Variants in CAMTA1 observed in about 807,000 individuals in gnomAD.
CAMTA1 encodes calmodulin binding transcription activator 1, also known as calmodulin-binding transcription activator 1.
A neutral mutation model predicts 170.9 loss-of-function variants in CAMTA1; 27 were observed. The observed-to-expected ratio is 0.16, with a 90% CI of 0.12 to 0.22. The LOEUF is 0.22. Among genes scored for constraint, CAMTA1 ranks in the 10% least tolerant of loss-of-function variants. The pLI is 1.00. For missense variants in CAMTA1, 1,619 were observed against 2,217.2 expected (o/e 0.73, Z 5.42); for synonymous variants, 833 against 891.5 (o/e 0.93, Z 1.17).
intron 6 of CAMTA1, among the ~76,000 whole-genome samples, chr1:7,530,003 C>T (rs2094472918): frequency 6.6e-6 from 1 of 152,224 alleles, no homozygotes; most frequent in South Asian, 2.1e-4. Flanking sequence ...CTGCCACCGA[C>T]CAGGAGCTGA....
At chr1:7,711,705 G>T (rs115614095) in intron 11 of CAMTA1, among the ~76,000 whole-genome samples, 7 of 152,312 alleles carry the variant, frequency 4.6e-5, no homozygotes, top group East Asian at 3.9e-4. Flanking sequence ...AATCACCAAA[G>T]AATTTATTTA....
chr1:7,445,422 TG>T (rs1410752515), intron 5 of CAMTA1, among the ~76,000 whole-genome samples: 1 of 151,852 alleles, frequency 6.6e-6, no homozygotes, highest in African/African-American at 2.4e-5. Flanking sequence ...TCTGAAGGGC[TG>T]GTCAGCCGGG....
At chr1:6,952,410 G>T (rs1378080667) in intron 3 of CAMTA1, among the ~76,000 whole-genome samples, 1 of 136,444 alleles carries the variant, frequency 7.3e-6, no homozygotes, top group Non-Finnish European at 1.5e-5. Flanking sequence ...CAGCCTGGGG[G>T]ACAGAGCGAG....
In CAMTA1 at chr1:7,426,580, G is replaced by C. The variant is rs536134746; in HGVS notation, c.439-41250G>C. 6.6e-6 allele frequency among the ~76,000 whole-genome samples: 1 copy of C among 152,140 alleles called. No individual in the cohort carries two copies. On this transcript the variant is annotated intron_variant, in intron 5 of 22. Transcript: ENST00000303635. The surrounding 1 kb of genome is among the most constrained non-coding windows in gnomAD (Gnocchi z 4.8). ...AAAGATTAACTTTAGTGAAAGCTTC[G>C]AGGTTTGGCAAATCCATAATTAATC... is the stretch of plus-strand genomic sequence containing the variant.
At chr1:6,897,403 C>T (rs114280028) in intron 3 of CAMTA1, among the ~76,000 whole-genome samples, 2,293 of 148,658 alleles carry the variant, frequency 0.015, 58 homozygotes, top group African/African-American at 0.053. Context: ...GTTGGAAGTC[C>T]ATGTCAGTCA....
chr1:6,824,821 G>A (rs1389608261), intron 2 of CAMTA1, among the ~76,000 whole-genome samples: 1 of 151,950 alleles, frequency 6.6e-6, no homozygotes, highest in African/African-American at 2.4e-5. Flanking sequence ...AATAACTTTC[G>A]GTTATGGGCA....
intron 9 of CAMTA1, 133 bp from the exon 10 acceptor site, chr1:7,670,778 G>A (rs779938692): frequency 2.6e-4 from 259 of 978,204 alleles, no homozygotes; most frequent in Non-Finnish European, 3.8e-4. Flanking sequence ...TCCCTGGAGT[G>A]AGGGCCTGGG....
At chr1:6,949,611 A>G (rs190615237) in intron 3 of CAMTA1, among the ~76,000 whole-genome samples, 56 of 152,328 alleles carry the variant, frequency 3.7e-4, no homozygotes, top group Admixed American at 7.8e-4. Flanking sequence ...CCTCCTGAAG[A>G]CCTGGATTGG....
At chr1:7,655,105 T>TACACACACACCC (rs1558063970) in intron 7 of CAMTA1, among the ~76,000 whole-genome samples, 3 of 16,150 alleles carry the variant, frequency 1.9e-4, no homozygotes, top group Non-Finnish European at 7.2e-4. Flanking sequence ...CACACACCTA[T>TACACACACACCC]ACACACACCT....
Position 7,305,138 on chromosome 1 carries a change from G to A in CAMTA1, c.438+55512G>A, listed in dbSNP as rs111750795. ...CTTTTTTTCTTGCTGGTAGGCATGT[G>A]CCTTCTCTGTTATATACTAAATTCT... On this transcript the variant is annotated intron_variant, in intron 5 of 22. Coordinates refer to ENST00000303635, the MANE Select transcript of CAMTA1 (RefSeq NM_015215.4). Among the ~76,000 whole-genome samples the A allele has an allele frequency of 5.3e-5, 8 of 151,892 alleles. 1 individual carries two copies. Among genetic ancestry groups the A allele is most frequent in the African/African-American group, 1.9e-4 (8 of 41,424 alleles).
intron 6 of CAMTA1, among the ~76,000 whole-genome samples, chr1:7,615,772 G>A (rs1030326055): frequency 6.6e-6 from 1 of 152,166 alleles, no homozygotes; most frequent in Non-Finnish European, 1.5e-5. Flanking sequence ...CCTGCAAGAC[G>A]GATGGCTGGC....
intron 5 of CAMTA1, among the ~76,000 whole-genome samples, chr1:7,319,515 T>C (rs149050502): frequency 1.8e-4 from 28 of 152,324 alleles, no homozygotes; most frequent in Non-Finnish European, 3.7e-4. Context: ...GATGCTGCCA[T>C]GCTTCCTGTA....
chr1:6,797,373 T>A (rs1642778022), intron 1 of CAMTA1, among the ~76,000 whole-genome samples: 2 of 151,460 alleles, frequency 1.3e-5, no homozygotes, highest in African/African-American at 4.9e-5. Context: ...GATGACTTTT[T>A]ATTTTTTATT....
intron 3 of CAMTA1, among the ~76,000 whole-genome samples, chr1:6,923,668 G>A (rs1682493527): frequency 6.6e-6 from 1 of 152,154 alleles, no homozygotes; most frequent in African/African-American, 2.4e-5. Flanking sequence ...TGAGCTGGGG[G>A]TGTTGGGGTC....
Position 7,501,827 on chromosome 1 carries a change from T to G in CAMTA1, c.510+33926T>G, listed in dbSNP as rs540203471. On this transcript the variant is annotated intron_variant, in intron 6 of 22. Transcript: ENST00000303635. ...GCAATAGAGTCTGGGGGTTCTAGGATGCATAGACACCCACTGGGATCCAAA... is the reference window on the plus strand; with the variant it reads ...GCAATAGAGTCTGGGGGTTCTAGGAGGCATAGACACCCACTGGGATCCAAA... 3.3e-5 allele frequency among the ~76,000 whole-genome samples: 5 copies of G among 152,254 alleles called. No homozygotes were observed. In the East Asian group the frequency reaches 9.7e-4, roughly 29 times the overall value.
chr1:7,488,024 C>G (rs2093640243), intron 6 of CAMTA1, among the ~76,000 whole-genome samples: 2 of 152,218 alleles, frequency 1.3e-5, no homozygotes, highest in Admixed American at 6.5e-5. Flanking sequence ...TCTCCCTTCC[C>G]TTTCTCTGAG....
At chr1:7,215,683 C>CTG (rs1325251232) in intron 4 of CAMTA1, among the ~76,000 whole-genome samples, 1 of 152,210 alleles carries the variant, frequency 6.6e-6, no homozygotes, top group Non-Finnish European at 1.5e-5. Context: ...TGTGAGCCAC[C>CTG]GTGCCTTACC....
At chr1:7,209,959 C>T (rs1033717192) in intron 4 of CAMTA1, among the ~76,000 whole-genome samples, 6 of 152,200 alleles carry the variant, frequency 3.9e-5, no homozygotes, top group African/African-American at 9.7e-5. Context: ...TGTGCATGCA[C>T]ATGACTGAAC....
At chr1:7,308,559 AT>A (rs1212790498) in intron 5 of CAMTA1, among the ~76,000 whole-genome samples, 1 of 152,114 alleles carries the variant, frequency 6.6e-6, no homozygotes, top group Non-Finnish European at 1.5e-5. Context: ...TTATTGTTTG[AT>A]CAGTTAAAAA....
Sources: gnomAD v4.1 joint callset for allele counts (sites outside exome capture counted in the v4.1 genomes callset) on GRCh38, gnomAD v4.1.1 for gene constraint, Gnocchi (gnomAD v3.1) non-coding constraint, MANE v1.5 for transcripts, NCBI Gene and HGNC (gene_info 2026-07-23, HGNC 2026-07-21) for gene names.